Variants in ZNF518A observed in about 807,000 individuals in gnomAD.
The protein encoded by ZNF518A is zinc finger protein 518A.
In ZNF518A, 47 loss-of-function variants were observed where a neutral mutation model predicts 102.7. The observed-to-expected ratio is 0.46, with a 90% confidence interval of 0.36 to 0.58. The LOEUF is 0.58. Among genes scored for constraint, ZNF518A ranks in the 20% least tolerant of loss-of-function variants. The pLI is 0.00. For missense variants in ZNF518A, 1,793 were observed against 1,699.8 expected (o/e 1.05, Z -0.96); for synonymous variants, 652 against 594.6 (o/e 1.10, Z -1.40).
Position 96,161,411 on chromosome 10 carries a change from A to G in ZNF518A, c.*637A>G, listed in dbSNP as rs1323007229. ...CTCTGTCACTTGTTAGAGATTGGGA[A>G]CACTCTCCCAAGGTGATTTTCTTTT... On this transcript the variant is annotated 3_prime_UTR_variant, in exon 6 of 6. Coordinates refer to ENST00000316045, the MANE Select transcript of ZNF518A (RefSeq NM_001330736.2). The G allele has an allele frequency of 2.4e-5, 4 of 166,900 alleles. No individual in the cohort carries two copies. The highest frequency in any genetic ancestry group is 9.6e-5 in the African/African-American group (4 of 41,456). 10.3% of individuals were successfully genotyped at this position (166,900 alleles called of 1,614,324 possible). A position where few individuals can be genotyped will look rare whatever the true frequency, so the allele number is the denominator to read the frequency against.
chr10:96,140,713 T>C (rs1328910822), intron 3 of ZNF518A, among the ~76,000 whole-genome samples: 1 of 151,680 alleles, frequency 6.6e-6, no homozygotes, highest in Non-Finnish European at 1.5e-5. Context: ...GGCAAATTGC[T>C]TGAGACCAGG....
At chr10:96,164,279 T>A (rs2083100273), downstream of ZNF518A, among the ~76,000 whole-genome samples, 1 of 152,344 alleles carries the variant, frequency 6.6e-6, no homozygotes, top group Middle Eastern at 3.4e-3. Context: ...GACATCTACT[T>A]CCTTCCTTAA....
At chr10:96,203,286 G>A (rs942331362) in intron 1 of ZNF518A, among the ~76,000 whole-genome samples, 1 of 151,876 alleles carries the variant, frequency 6.6e-6, no homozygotes, top group African/African-American at 2.4e-5. Context: ...TGTGTTGTCA[G>A]AATTTTTTTT....
chr10:96,175,541 G>C lies in ZNF518A; in HGVS notation n.35+19494G>C, dbSNP rs2083197971. Reference sequence around the variant, plus strand: ...GGAAAATTTAAAGGAGAGGAAGGAGGATTGAGTTTAAGAAAAGCCAGCAAA... The same window carrying C: ...GGAAAATTTAAAGGAGAGGAAGGAGCATTGAGTTTAAGAAAAGCCAGCAAA... On this transcript the variant is annotated intron_variant and non_coding_transcript_variant, in intron 1 of 2. Coordinates refer to the ZNF518A transcript ENST00000442635. Among the ~76,000 whole-genome samples, 5 of 152,214 alleles carry C rather than the reference G, an allele frequency of 3.3e-5. No homozygotes were observed. In the South Asian group the frequency reaches 1.0e-3, roughly 32 times the overall value.
intron 1 of ZNF518A, among the ~76,000 whole-genome samples, chr10:96,131,733 T>TAATGTATGAACTTTTA (rs2081348621): frequency 6.6e-6 from 1 of 152,244 alleles, no homozygotes; most frequent in Non-Finnish European, 1.5e-5. Context: ...TGTGCATTGA[T>TAATGTATGAACTTTTA]AATGTATGAA....
chr10:96,204,768 G>A, downstream of ZNF518A: 1 of 690,404 alleles, frequency 1.4e-6, no homozygotes, highest in South Asian at 1.6e-5. Context: ...CTGTGCACTT[G>A]CCAGTCTGTT....
intron 1 of ZNF518A, among the ~76,000 whole-genome samples, chr10:96,172,323 G>C (rs1310934469): frequency 6.6e-6 from 1 of 152,080 alleles, no homozygotes; most frequent in Non-Finnish European, 1.5e-5. Context: ...AAGGAAAGTA[G>C]ATGGGAATAA....
chr10:96,188,383 G>A lies in ZNF518A; in HGVS notation n.36-15191G>A, dbSNP rs2083285243. Among the ~76,000 whole-genome samples the A allele has an allele frequency of 2.0e-5, 3 of 152,204 alleles. No homozygotes were observed. The South Asian group carries it at 6.2e-4, about 32-fold the overall frequency. ...AGAAATCCACCACGCAGTACTGTAT[G>A]TCAACCAACTGAGGATTAGTATAAT... is the stretch of plus-strand genomic sequence containing the variant. On this transcript the variant is annotated intron_variant and non_coding_transcript_variant, in intron 1 of 2. Coordinates refer to the ZNF518A transcript ENST00000442635.
At chr10:96,183,116 T>A (rs587683294) in intron 1 of ZNF518A, among the ~76,000 whole-genome samples, 3 of 152,342 alleles carry the variant, frequency 2.0e-5, no homozygotes, top group African/African-American at 7.2e-5. Context: ...TGTAGAGGTG[T>A]TTATAGTATT....
chr10:96,184,881 A>G (rs4584509), intron 1 of ZNF518A, among the ~76,000 whole-genome samples: 82,166 of 152,016 alleles, frequency 0.54, 22,624 homozygotes, highest in Middle Eastern at 0.71. Flanking sequence ...CTCCTGGATA[A>G]TATCCTGAAG....
intron 1 of ZNF518A, chr10:96,199,990 T>C: frequency 1.0e-6 from 1 of 997,032 alleles, no homozygotes; most frequent in South Asian, 2.9e-5. Context: ...ATCGAGCCAC[T>C]GCACTCCAGT....
In ZNF518A at chr10:96,159,553, T is replaced by C; in HGVS notation, c.3231T>C (p.Asn1077=). The change falls in exon 6 of 6, where the codon AAT becomes AAC. Residue 1077 remains asparagine (N), a synonymous_variant. Coordinates refer to ENST00000316045, the MANE Select transcript of ZNF518A (RefSeq NM_001330736.2). ...MLSEQQSTKL[N]ISDSVKQQNE... ...CTGAGCAACAGAGCACTAAGTTGAA[T>C]ATCTCCGATTCAGTAAAACAGCAGA... 6.2e-7 allele frequency: 1 copy of C among 1,613,938 alleles called. No homozygotes were observed. The highest frequency in any genetic ancestry group is 8.5e-7 in the Non-Finnish European group (1 of 1,179,810).
intron 3 of ZNF518A, among the ~76,000 whole-genome samples, chr10:96,151,253 A>G (rs1250739564): frequency 6.6e-6 from 1 of 152,118 alleles, no homozygotes; most frequent in Non-Finnish European, 1.5e-5. Flanking sequence ...TTGTTAGGAG[A>G]AGGGGAAGTT....
chr10:96,158,332 C>T lies in ZNF518A; in HGVS notation c.2010C>T (p.Ser670=), dbSNP rs373035136. ...YENPQRESSS[S]KTVVQQPISE... is the part of the protein sequence containing the mutation. Reference sequence around the variant, plus strand: ...ACCCTCAAAGAGAATCTTCATCCAGCAAAACAGTTGTCCAACAACCAATTA... The same window carrying T: ...ACCCTCAAAGAGAATCTTCATCCAGTAAAACAGTTGTCCAACAACCAATTA... Residue 670 remains serine (S), a synonymous_variant, in exon 6 of 6, where the codon AGC becomes AGT. Coordinates refer to ENST00000316045, the MANE Select transcript of ZNF518A (RefSeq NM_001330736.2). 3.5e-5 allele frequency: 57 copies of T among 1,613,692 alleles called. No homozygotes were observed. The highest frequency in any genetic ancestry group is 3.3e-4 in the Middle Eastern group (2 of 6,062).
chr10:96,135,216 A>G (rs2081538335), intron 3 of ZNF518A: 1 of 152,206 alleles, frequency 6.6e-6, no homozygotes, highest in Non-Finnish European at 1.5e-5. Flanking sequence ...GCATCTGTGT[A>G]GTGGGAGAAA....
chr10:96,200,310 A>G lies in ZNF518A; in HGVS notation n.36-3264A>G. On this transcript the variant is annotated intron_variant and non_coding_transcript_variant, in intron 1 of 2. Coordinates refer to the ZNF518A transcript ENST00000442635. This position sits in a 1 kb window ranked among gnomAD's most constrained non-coding sequence, Gnocchi z 4.3. The stretch of plus-strand genomic sequence containing the variant: ...ATGAGTTTTATTTTTCCTTTGATCA[A>G]ACACAAGGATTATACCGTTAACTTG... 1 of 638,102 alleles carries G rather than the reference A, an allele frequency of 1.6e-6. No individual in the cohort carries two copies. The highest frequency in any genetic ancestry group is 2.8e-6 in the Non-Finnish European group (1 of 355,222). The allele number at this position is 638,102 out of a possible 1,614,324, so 39.5% of individuals were successfully genotyped here. A position where few individuals can be genotyped will look rare whatever the true frequency, so the allele number is the denominator to read the frequency against.
intron 1 of ZNF518A, among the ~76,000 whole-genome samples, chr10:96,193,392 T>C (rs782597846): frequency 1.3e-5 from 2 of 152,184 alleles, no homozygotes; most frequent in Non-Finnish European, 2.9e-5. Context: ...CTAGGAAGCA[T>C]AGGAGAGGAT....
downstream of ZNF518A, among the ~76,000 whole-genome samples, chr10:96,167,690 A>G (rs2083150356): frequency 1.3e-5 from 2 of 152,230 alleles, no homozygotes; most frequent in Non-Finnish European, 2.9e-5. Flanking sequence ...GATAGAGGAT[A>G]TGCAATCTGA....
intron 1 of ZNF518A, among the ~76,000 whole-genome samples, chr10:96,179,824 C>G (rs2083228047): frequency 6.9e-6 from 1 of 145,306 alleles, no homozygotes; most frequent in South Asian, 2.4e-4. Flanking sequence ...TTCTCTTTCT[C>G]CTTCTCCTCC....
Sources: allele counts gnomAD v4.1 joint callset (sites outside exome capture counted in the v4.1 genomes callset), GRCh38; gene constraint gnomAD v4.1.1; non-coding constraint Gnocchi (gnomAD v3.1); transcripts MANE v1.5; gene names NCBI Gene and HGNC (gene_info 2026-07-23, HGNC 2026-07-21).